The following MLIP variants were observed in gnomAD, a reference collection of about 807,000 sequenced individuals.
MLIP encodes the protein muscular LMNA-interacting protein.
In MLIP, 79 loss-of-function variants were observed where a neutral mutation model predicts 84.8. The observed-to-expected ratio is 0.93, with a 90% CI of 0.78 to 1.12. The LOEUF (loss-of-function observed/expected upper bound fraction) is 1.12, where lower values mean the gene tolerates loss of function less well. Among genes scored for constraint, MLIP ranks in the 50% most tolerant of loss-of-function variants. The probability of loss-of-function intolerance (pLI) is 0.00; values close to 1 mark genes in which losing one functional copy is unlikely to be tolerated. For missense variants in MLIP, 1,257 were observed against 1,160.6 expected, an observed-to-expected ratio of 1.08 and a Z score of -1.21; for synonymous variants, 504 against 463.0, an observed-to-expected ratio of 1.09 and a Z score of -1.14.
intron 12 of MLIP, among the ~76,000 whole-genome samples, chr6:54,240,829 A>G (rs1376369874): frequency 6.6e-6 from 1 of 152,098 alleles, no homozygotes; most frequent in African/African-American, 2.4e-5. Context: ...AGAAAAAATG[A>G]GCTGGGCGTG....
At chr6:54,100,778 G>T (rs1182344313) in intron 1 of MLIP, among the ~76,000 whole-genome samples, 1 of 152,088 alleles carries the variant, frequency 6.6e-6, no homozygotes, top group Non-Finnish European at 1.5e-5. Context: ...ATCCAAACAG[G>T]CATCATTAAT....
intron 13 of MLIP, among the ~76,000 whole-genome samples, chr6:54,261,205 A>G (rs926179193): frequency 6.6e-6 from 1 of 151,998 alleles, no homozygotes; most frequent in African/African-American, 2.4e-5. Flanking sequence ...AAGTTCAGCA[A>G]CTCTTCTATC....
At chr6:54,116,408 G>T (rs79547354) in intron 1 of MLIP, among the ~76,000 whole-genome samples, 5 of 152,106 alleles carry the variant, frequency 3.3e-5, no homozygotes, top group Admixed American at 2.6e-4. Flanking sequence ...AGAATAAAAC[G>T]GAGACATTAT....
chr6:54,133,805 G>A (rs1039750323), intron 3 of MLIP, among the ~76,000 whole-genome samples: 5 of 152,078 alleles, frequency 3.3e-5, no homozygotes, highest in South Asian at 2.1e-4. Context: ...TGAGATTATT[G>A]TGAATGTTTT....
chr6:54,148,239 G>A (rs1233892077), intron 4 of MLIP, among the ~76,000 whole-genome samples: 2 of 152,088 alleles, frequency 1.3e-5, no homozygotes, highest in Non-Finnish European at 2.9e-5. Context: ...CTTGAACTCA[G>A]TTCATCAGCT....
rs778331086 is a variant in MLIP at position 54,202,135 on chromosome 6, G to T, written c.2620G>T (p.Val874Leu). The T allele has an allele frequency of 1.2e-6, 2 of 1,600,504 alleles. No homozygotes were observed. The highest frequency in any genetic ancestry group is 1.7e-6 in the Non-Finnish European group (2 of 1,172,254). Residue 874 changes from valine to leucine, a missense_variant, in exon 11 of 14, where the codon GTA (valine) becomes TTA (leucine). Val to Leu is a conservative substitution (Grantham distance 32). Coordinates refer to ENST00000502396, the MANE Select transcript of MLIP (RefSeq NM_001281747.2). ...TKPGVIRPVP[V>L]KSRILLKKEE... is the part of the protein sequence containing the mutation. The stretch of plus-strand genomic sequence containing the variant: ...GCCTGGAGTAATTCGCCCAGTACCT[G>T]TAAAATCCAGAATATTACTGAAAAA...
intron 13 of MLIP, among the ~76,000 whole-genome samples, chr6:54,261,392 C>G (rs1428934419): frequency 6.6e-6 from 1 of 151,980 alleles, no homozygotes; most frequent in Non-Finnish European, 1.5e-5. Flanking sequence ...TGATTAGATG[C>G]ATTTGGTTCT....
intron 13 of MLIP, among the ~76,000 whole-genome samples, chr6:54,265,605 A>G (rs143421553): frequency 2.0e-5 from 3 of 152,232 alleles, no homozygotes; most frequent in African/African-American, 7.2e-5. Context: ...TCATCAGCCA[A>G]GTCATGGAAG....
At chr6:54,051,897 C>T (rs1009605302) in intron 1 of MLIP, among the ~76,000 whole-genome samples, 1 of 152,078 alleles carries the variant, frequency 6.6e-6, no homozygotes, top group Non-Finnish European at 1.5e-5. Context: ...GTAACAAATA[C>T]AATTCAAATT....
intron 8 of MLIP, 52 bp downstream of exon 8, chr6:54,160,851 T>C: frequency 6.8e-7 from 1 of 1,477,612 alleles, no homozygotes. Flanking sequence ...ATTAGATCAA[T>C]GATTTCCAAA....
intron 11 of MLIP, among the ~76,000 whole-genome samples, chr6:54,202,735 A>C (rs1778780374): frequency 6.6e-6 from 1 of 152,078 alleles, no homozygotes. Flanking sequence ...TCTACAACAA[A>C]TTAAAAAAAA....
chr6:54,129,162 G>T (rs1309181565), intron 3 of MLIP, among the ~76,000 whole-genome samples: 4 of 151,992 alleles, frequency 2.6e-5, no homozygotes, highest in Admixed American at 2.6e-4. Context: ...ATAGAAAAGG[G>T]ATTACAGTAA....
intron 1 of MLIP, among the ~76,000 whole-genome samples, chr6:54,034,971 A>C (rs1764344025): frequency 6.6e-6 from 1 of 152,146 alleles, no homozygotes; most frequent in Non-Finnish European, 1.5e-5. Context: ...TTAGATACAC[A>C]AATATATACC....
intron 9 of MLIP, among the ~76,000 whole-genome samples, chr6:54,177,625 A>G (rs1048538535): frequency 6.6e-6 from 1 of 152,194 alleles, no homozygotes; most frequent in African/African-American, 2.4e-5. Context: ...CCATTGTGGA[A>G]GACAGTGTGG....
chr6:54,052,973 G>A (rs1359163113), intron 1 of MLIP, among the ~76,000 whole-genome samples: 1 of 152,148 alleles, frequency 6.6e-6, no homozygotes, highest in Non-Finnish European at 1.5e-5. Flanking sequence ...GGCTCAGTCT[G>A]AAAGTAAATG....
intron 2 of MLIP, among the ~76,000 whole-genome samples, chr6:54,122,935 C>CTTT (rs543020753): frequency 6.9e-6 from 1 of 145,100 alleles, no homozygotes; most frequent in Non-Finnish European, 1.5e-5. Context: ...CATTTATATT[C>CTTT]TTTTTTTTTT....
intron 11 of MLIP, among the ~76,000 whole-genome samples, chr6:54,225,014 C>T (rs1780483419): frequency 1.3e-5 from 2 of 152,124 alleles, no homozygotes; most frequent in Admixed American, 1.3e-4. Flanking sequence ...GGGTTGGTTC[C>T]ATGATTTTGC....
At chr6:54,216,808 A>G (rs1779884056) in intron 11 of MLIP, 1 of 985,266 alleles carries the variant, frequency 1.0e-6, no homozygotes, top group African/African-American at 1.7e-5. Context: ...ACCAATTTAT[A>G]TTGGCTTTAT....
At chr6:54,037,808 T>A (rs893800150) in intron 1 of MLIP, among the ~76,000 whole-genome samples, 1 of 151,976 alleles carries the variant, frequency 6.6e-6, no homozygotes, top group Non-Finnish European at 1.5e-5. Flanking sequence ...GCTTAAGGCA[T>A]CATATTGGAT....
Sources: gnomAD v4.1 joint callset for allele counts (sites outside exome capture counted in the v4.1 genomes callset) on GRCh38, gnomAD v4.1.1 for gene constraint, MANE v1.5 for transcripts, NCBI Gene and HGNC (gene_info 2026-07-23, HGNC 2026-07-21) for gene names.